Variants in TAFA5 observed in about 807,000 individuals in gnomAD.
TAFA5 encodes chemokine-like protein TAFA-5.
Under a neutral mutation model 15.3 loss-of-function variants are expected in TAFA5, and 6 were observed. That is an observed-to-expected ratio of 0.39 (90% CI 0.21 to 0.77). The LOEUF (loss-of-function observed/expected upper bound fraction) is 0.77, where lower values mean the gene tolerates loss of function less well. Among genes scored for constraint, TAFA5 ranks in the 30% least tolerant of loss-of-function variants. The probability of loss-of-function intolerance (pLI) is 0.41; values close to 1 mark genes in which losing one functional copy is unlikely to be tolerated. For synonymous variants in TAFA5, 103 were observed against 80.7 expected (o/e 1.28, Z -1.48); for missense variants, 161 against 193.1 (o/e 0.83, Z 0.98).
chr22:48,577,594 C>G (rs1283057099), intron 1 of TAFA5, among the ~76,000 whole-genome samples: 1 of 152,220 alleles, frequency 6.6e-6, no homozygotes, highest in Non-Finnish European at 1.5e-5. Flanking sequence ...GTTCTGGGTT[C>G]CTGCAGAGGA....
chr22:48,738,180 C>T (rs979512683), intron 3 of TAFA5, among the ~76,000 whole-genome samples: 2 of 152,136 alleles, frequency 1.3e-5, no homozygotes, highest in South Asian at 2.1e-4. Flanking sequence ...AACTGGGAGC[C>T]GAGCACGGGG....
chr22:48,699,529 C>A (rs1276097948), intron 2 of TAFA5, among the ~76,000 whole-genome samples: 1 of 152,086 alleles, frequency 6.6e-6, no homozygotes, highest in Admixed American at 6.5e-5. Context: ...CATTTCCCCG[C>A]GTTCCGTTCA....
chr22:48,691,011 G>A (rs1458112918), intron 2 of TAFA5, among the ~76,000 whole-genome samples: 7 of 152,142 alleles, frequency 4.6e-5, no homozygotes. Flanking sequence ...GAAGATGCTT[G>A]ACCCTCCTGA....
chr22:48,556,829 C>A (rs777081962), intron 1 of TAFA5, among the ~76,000 whole-genome samples: 12 of 152,216 alleles, frequency 7.9e-5, no homozygotes, highest in Non-Finnish European at 1.3e-4. Context: ...GCCCCTGAGG[C>A]CCCATGCTCA....
intron 3 of TAFA5, among the ~76,000 whole-genome samples, chr22:48,718,324 G>A (rs1281306228): frequency 6.6e-6 from 1 of 152,202 alleles, no homozygotes; most frequent in African/African-American, 2.4e-5. Context: ...GGGGGATGCT[G>A]TAGCTGAACA....
intron 2 of TAFA5, among the ~76,000 whole-genome samples, chr22:48,653,700 C>T (rs937404636): frequency 6.6e-6 from 1 of 152,266 alleles, no homozygotes; most frequent in Non-Finnish European, 1.5e-5. Flanking sequence ...GGCTCTCTGA[C>T]GCCTCTGTAG....
At chr22:48,546,845 C>G (rs1441149234) in intron 1 of TAFA5, 1 of 294,544 alleles carries the variant, frequency 3.4e-6, no homozygotes, top group Non-Finnish European at 6.8e-6. Flanking sequence ...CCCTCTCGTG[C>G]GGGGAGGACG....
intron 1 of TAFA5, among the ~76,000 whole-genome samples, chr22:48,569,973 C>T (rs747911467): frequency 7.2e-5 from 11 of 152,272 alleles, no homozygotes; most frequent in Non-Finnish European, 7.3e-5. Flanking sequence ...CACATAGCCG[C>T]GGTGCCAGAG....
intron 3 of TAFA5, among the ~76,000 whole-genome samples, chr22:48,729,339 A>G (rs1929800444): frequency 1.9e-5 from 1 of 52,914 alleles, no homozygotes; most frequent in Non-Finnish European, 3.7e-5. Context: ...TTATTTGTAA[A>G]TATATATTTT....
chr22:48,569,622 G>A (rs535216913), intron 1 of TAFA5, among the ~76,000 whole-genome samples: 10 of 152,322 alleles, frequency 6.6e-5, no homozygotes, highest in East Asian at 3.9e-4. Context: ...GCCACTGTGC[G>A]TTGCCATGGG....
intron 2 of TAFA5, among the ~76,000 whole-genome samples, chr22:48,666,001 G>C (rs1037378886): frequency 2.7e-5 from 4 of 147,982 alleles, no homozygotes; most frequent in Non-Finnish European, 5.9e-5. Flanking sequence ...CCCTCCCATG[G>C]GAACGAGGGG....
chr22:48,573,630 C>T (rs529958958), intron 1 of TAFA5, among the ~76,000 whole-genome samples: 38 of 152,308 alleles, frequency 2.5e-4, no homozygotes, highest in African/African-American at 6.0e-4. Context: ...CCTTGGTGCC[C>T]GGAGAAGTGT....
chr22:48,534,905 T>A (rs1922101377), intron 1 of TAFA5, among the ~76,000 whole-genome samples: 2 of 151,982 alleles, frequency 1.3e-5, no homozygotes, highest in South Asian at 4.2e-4. Context: ...GTCTTGGGGG[T>A]CCTGGAGGCT....
intron 1 of TAFA5, among the ~76,000 whole-genome samples, chr22:48,573,778 C>T (rs1267461280): frequency 2.0e-5 from 3 of 152,156 alleles, no homozygotes; most frequent in Non-Finnish European, 4.4e-5. Flanking sequence ...GAAGGATCTT[C>T]CAATTGTAGT....
intron 1 of TAFA5, among the ~76,000 whole-genome samples, chr22:48,520,998 T>C (rs989039898): frequency 6.6e-6 from 1 of 152,154 alleles, no homozygotes; most frequent in Non-Finnish European, 1.5e-5. Flanking sequence ...GTTCTGCCTG[T>C]GTTCAAAAGA....
chr22:48,696,838 TCCAGCTTCTAA>T (rs1928728157), intron 2 of TAFA5, among the ~76,000 whole-genome samples: 1 of 152,222 alleles, frequency 6.6e-6, no homozygotes, highest in Non-Finnish European at 1.5e-5. Flanking sequence ...CCTGCATCAT[TCCAGCTTCTAA>T]CCAGCACAGC....
intron 1 of TAFA5, among the ~76,000 whole-genome samples, chr22:48,615,220 TAA>T (rs1925556075): frequency 6.6e-6 from 1 of 152,164 alleles, no homozygotes; most frequent in Admixed American, 6.5e-5. Context: ...GGAACAGTGA[TAA>T]GAGTTCTTAA....
intron 2 of TAFA5, among the ~76,000 whole-genome samples, chr22:48,654,065 C>T (rs977566954): frequency 5.3e-5 from 8 of 151,656 alleles, no homozygotes; most frequent in South Asian, 2.1e-4. Context: ...CCCGTCACGT[C>T]GGCACGGTGG....
intron 1 of TAFA5, among the ~76,000 whole-genome samples, chr22:48,639,313 T>G (rs1926590897): frequency 6.6e-6 from 1 of 152,348 alleles, no homozygotes; most frequent in Non-Finnish European, 1.5e-5. Context: ...CTGCACCTTG[T>G]TTTTGGTCTG....
Sources: gnomAD v4.1 joint callset for allele counts (sites outside exome capture counted in the v4.1 genomes callset) on GRCh38, gnomAD v4.1.1 for gene constraint, MANE v1.5 for transcripts, NCBI Gene and HGNC (gene_info 2026-07-23, HGNC 2026-07-21) for gene names.